KLF8: variants seen among roughly 807,000 people sequenced by gnomAD.
KLF8 encodes the protein KLF transcription factor 8, also known as Krueppel-like factor 8.
A neutral mutation model predicts 18.2 loss-of-function variants in KLF8; 10 were observed. That is an observed-to-expected ratio of 0.55 (90% confidence interval 0.34 to 0.93). KLF8 has a LOEUF of 0.93. Among genes scored for constraint, KLF8 ranks in the 40% least tolerant of loss-of-function variants. The pLI is 0.02. For missense variants in KLF8, 264 were observed against 277.9 expected (o/e 0.95, Z 0.36); for synonymous variants, 109 against 97.3 (o/e 1.12, Z -0.71).
chrX:55,992,771 C>T, the KLF8 span, among the ~76,000 whole-genome samples: 1 of 111,325 alleles, frequency 9.0e-6, no homozygotes, highest in African/African-American at 3.3e-5. Flanking sequence ...TCTCTGAGTC[C>T]TTTGAGCAGT....
the KLF8 span, among the ~76,000 whole-genome samples, chrX:55,984,912 G>T: frequency 1.8e-5 from 2 of 109,790 alleles, no homozygotes; most frequent in Non-Finnish European, 3.8e-5. Context: ...TTGGTTGCAG[G>T]AATGTCTTCT....
the KLF8 span, among the ~76,000 whole-genome samples, chrX:55,949,450 G>C: frequency 1.8e-5 from 2 of 108,961 alleles, no homozygotes; most frequent in Non-Finnish European, 3.8e-5. Context: ...TTGGGAAGGG[G>C]TAGGTTTCTG....
the KLF8 span, among the ~76,000 whole-genome samples, chrX:56,078,535 T>G: frequency 1.8e-5 from 2 of 111,993 alleles, no homozygotes; most frequent in Non-Finnish European, 3.8e-5. Context: ...GCTGCTGGAT[T>G]CGTTTTGCCA....
At chrX:56,246,107 G>A (rs149188006) in intron 1 of KLF8, among the ~76,000 whole-genome samples, 1,348 of 111,590 alleles carry the variant, frequency 0.012, 10 homozygotes, top group African/African-American at 0.042. Flanking sequence ...AGAAATGGCT[G>A]AGACATTATT....
chrX:55,980,225 A>G, the KLF8 span, among the ~76,000 whole-genome samples: 1 of 111,942 alleles, frequency 8.9e-6, no homozygotes, highest in Admixed American at 9.5e-5. Context: ...TGATAGGACT[A>G]TGTAAGAATT....
the KLF8 span, among the ~76,000 whole-genome samples, chrX:56,188,501 A>G: frequency 4.5e-5 from 5 of 112,027 alleles, no homozygotes; most frequent in Non-Finnish European, 7.5e-5. Context: ...GACTTTCTTC[A>G]CAGAATTGGA....
the KLF8 span, among the ~76,000 whole-genome samples, chrX:56,038,725 A>G: frequency 1.8e-5 from 2 of 112,767 alleles, no homozygotes; most frequent in African/African-American, 3.2e-5. Context: ...CTTTCGGTAT[A>G]TACCCAGTAA....
the KLF8 span, among the ~76,000 whole-genome samples, chrX:56,183,598 C>G: frequency 9.1e-6 from 1 of 110,494 alleles, no homozygotes; most frequent in African/African-American, 3.3e-5. Flanking sequence ...ATCTTGGAAC[C>G]CTCCCACAAT....
the KLF8 span, among the ~76,000 whole-genome samples, chrX:56,090,634 A>C: frequency 3.6e-5 from 4 of 111,382 alleles, no homozygotes; most frequent in African/African-American, 9.8e-5. Flanking sequence ...ATTTCTATTC[A>C]TGTTTTTGGC....
At chrX:56,105,397 G>T in the KLF8 span, among the ~76,000 whole-genome samples, 8 of 111,455 alleles carry the variant, frequency 7.2e-5, no homozygotes, top group Non-Finnish European at 1.3e-4. Context: ...TCTGGGTAGT[G>T]CTGTATTGGG....
chrX:56,056,513 A>G, the KLF8 span, among the ~76,000 whole-genome samples: 1 of 106,775 alleles, frequency 9.4e-6, no homozygotes, highest in African/African-American at 3.4e-5. Flanking sequence ...CATGGATGAA[A>G]CTGGAAACCA....
the KLF8 span, among the ~76,000 whole-genome samples, chrX:56,166,251 C>T: frequency 9.1e-6 from 1 of 109,841 alleles, no homozygotes; most frequent in Non-Finnish European, 1.9e-5. Flanking sequence ...AAAATTAGTA[C>T]TTTATATAGT....
chrX:56,201,739 TG>T, the KLF8 span, among the ~76,000 whole-genome samples: 1 of 111,081 alleles, frequency 9.0e-6, no homozygotes, highest in Non-Finnish European at 1.9e-5. Context: ...ACATTAAATA[TG>T]TACAGTTTTT....
chrX:56,058,212 A>T, the KLF8 span, among the ~76,000 whole-genome samples: 1 of 83,176 alleles, frequency 1.2e-5, no homozygotes, highest in Admixed American at 1.4e-4. Context: ...ATACACATAT[A>T]TATACGTGTA....
the KLF8 span, among the ~76,000 whole-genome samples, chrX:56,184,389 C>A: frequency 8.9e-6 from 1 of 112,544 alleles, no homozygotes; most frequent in Non-Finnish European, 1.9e-5. Flanking sequence ...CTGGGTGGAG[C>A]CCACCACAGC....
At chrX:56,190,724 A>G in the KLF8 span, among the ~76,000 whole-genome samples, 1 of 111,764 alleles carries the variant, frequency 8.9e-6, no homozygotes, top group African/African-American at 3.2e-5. Context: ...CTCAATGACC[A>G]GTGAATCAAC....
At chrX:55,955,826 T>A in the KLF8 span, among the ~76,000 whole-genome samples, 1 of 111,938 alleles carries the variant, frequency 8.9e-6, no homozygotes, top group Non-Finnish European at 1.9e-5. Context: ...ATTACATGAT[T>A]GAATAAATGA....
At chrX:56,141,552 T>A in the KLF8 span, among the ~76,000 whole-genome samples, 5 of 111,893 alleles carry the variant, frequency 4.5e-5, no homozygotes, top group African/African-American at 1.6e-4. Flanking sequence ...TATATGTGTC[T>A]ATTTTTGAAA....
At chrX:56,110,219 A>G in the KLF8 span, among the ~76,000 whole-genome samples, 1 of 111,800 alleles carries the variant, frequency 8.9e-6, no homozygotes, top group Non-Finnish European at 1.9e-5. Flanking sequence ...TGTCTTTGCT[A>G]TTGTGAGTAG....
Sources: allele counts gnomAD v4.1 joint callset (sites outside exome capture counted in the v4.1 genomes callset), GRCh38; gene constraint gnomAD v4.1.1; transcripts MANE v1.5; gene names NCBI Gene and HGNC (gene_info 2026-07-23, HGNC 2026-07-21).